Variants in IL1RAP observed in about 807,000 individuals in gnomAD.
The protein encoded by IL1RAP is interleukin-1 receptor accessory protein.
A neutral mutation model predicts 60.7 loss-of-function variants in IL1RAP; 35 were observed. The observed-to-expected ratio is 0.58, with a 90% CI of 0.44 to 0.76. IL1RAP has a LOEUF of 0.76. Among genes scored for constraint, IL1RAP ranks in the 30% least tolerant of loss-of-function variants. The pLI is 0.00. For synonymous variants in IL1RAP, 268 were observed against 250.9 expected, an observed-to-expected ratio of 1.07 and a Z score of -0.64; for missense variants, 572 against 693.9, an observed-to-expected ratio of 0.82 and a Z score of 1.97.
chr3:190,530,524 G>A (rs907839250), intron 1 of IL1RAP, among the ~76,000 whole-genome samples: 9 of 152,202 alleles, frequency 5.9e-5, no homozygotes, highest in Admixed American at 2.0e-4. Flanking sequence ...TACATTACAA[G>A]CCAAAGTGAT....
intron 2 of IL1RAP, among the ~76,000 whole-genome samples, chr3:190,559,622 T>C (rs1271568133): frequency 2.0e-5 from 3 of 152,238 alleles, no homozygotes; most frequent in Admixed American, 1.3e-4. Context: ...CTTACAACTT[T>C]CTTTTCAACC....
At chr3:190,607,137 A>G (rs146776136) in intron 4 of IL1RAP, among the ~76,000 whole-genome samples, 57 of 152,038 alleles carry the variant, frequency 3.7e-4, no homozygotes, top group Admixed American at 7.9e-4. Flanking sequence ...TTGAGAGTGC[A>G]TACCCCACCC....
intron 4 of IL1RAP, among the ~76,000 whole-genome samples, chr3:190,605,025 G>T (rs1730182034): frequency 6.6e-6 from 1 of 152,142 alleles, no homozygotes; most frequent in Non-Finnish European, 1.5e-5. Flanking sequence ...TCTCCCATTT[G>T]TCCAAGGTTT....
At chr3:190,620,805 AT>A (rs1560220302) in intron 6 of IL1RAP, among the ~76,000 whole-genome samples, 1 of 152,216 alleles carries the variant, frequency 6.6e-6, no homozygotes, top group Non-Finnish European at 1.5e-5. Flanking sequence ...ATTTAAAAAA[AT>A]ATTCATATTG....
chr3:190,621,230 CAGTG>C (rs1731752294), intron 6 of IL1RAP, among the ~76,000 whole-genome samples: 1 of 152,198 alleles, frequency 6.6e-6, no homozygotes. Context: ...TAGAGACACT[CAGTG>C]AGTTACTTGA....
chr3:190,569,561 C>T (rs1726732539), intron 3 of IL1RAP, among the ~76,000 whole-genome samples: 1 of 150,938 alleles, frequency 6.6e-6, no homozygotes, highest in African/African-American at 2.4e-5. Flanking sequence ...TTAAATGATG[C>T]CTCTCGGAAG....
chr3:190,630,326 C>A, intron 9 of IL1RAP: 2 of 359,488 alleles, frequency 5.6e-6, no homozygotes, highest in Non-Finnish European at 7.7e-6. Flanking sequence ...TCTCACCTAA[C>A]ACAGAATCCC....
chr3:190,644,277 G>A lies in IL1RAP; in HGVS notation c.1081G>A (p.Ala361Thr). The A allele has an allele frequency of 6.2e-7, 1 of 1,613,604 alleles. No homozygotes were observed. Among genetic ancestry groups the A allele is most frequent in the African/African-American group, 1.3e-5 (1 of 74,996 alleles). The change falls in exon 10 of 12, where the codon GCT (alanine) becomes ACT (threonine). Residue 361 changes from alanine (A) to threonine (T), a missense_variant. Physicochemically the swap from Ala to Thr is moderately conservative, Grantham distance 58. Coordinates refer to ENST00000447382, the MANE Select transcript of IL1RAP (RefSeq NM_002182.4). ...VPAPRYTVELACGFGATVLLV... is the reference protein window; with the variant it reads ...VPAPRYTVELTCGFGATVLLV... ...AGCTCCAAGATACACAGTGGAACTG[G>A]CTTGTGGTTTTGGAGCCACAGTCCT...
intron 3 of IL1RAP, among the ~76,000 whole-genome samples, chr3:190,570,659 A>T (rs1258362218): frequency 1.3e-5 from 2 of 152,096 alleles, no homozygotes; most frequent in Admixed American, 1.3e-4. Flanking sequence ...TCCACCTCCC[A>T]AGTTCAAGTG....
chr3:190,625,815 G>T (rs962737369), intron 7 of IL1RAP, among the ~76,000 whole-genome samples: 3 of 152,132 alleles, frequency 2.0e-5, no homozygotes, highest in African/African-American at 7.2e-5. Flanking sequence ...TACTCTTCCT[G>T]CTGTCAGGGT....
chr3:190,630,542 G>A (rs1732697984), intron 9 of IL1RAP, among the ~76,000 whole-genome samples: 4 of 152,136 alleles, frequency 2.6e-5, no homozygotes, highest in Admixed American at 2.6e-4. Context: ...ATGAAAAACA[G>A]GATTCACCTC....
At chr3:190,551,845 T>C (rs1724893435) in intron 1 of IL1RAP, among the ~76,000 whole-genome samples, 1 of 152,228 alleles carries the variant, frequency 6.6e-6, no homozygotes. Flanking sequence ...TTTGGTTATC[T>C]CTGTGGTTTA....
intron 3 of IL1RAP, among the ~76,000 whole-genome samples, chr3:190,577,901 T>C (rs941864898): frequency 2.6e-5 from 4 of 152,346 alleles, no homozygotes; most frequent in Admixed American, 6.5e-5. Context: ...TTTGGGTTTA[T>C]TTCTGCCCCT....
chr3:190,594,743 C>A (rs868663379), intron 3 of IL1RAP, among the ~76,000 whole-genome samples: 7 of 152,144 alleles, frequency 4.6e-5, no homozygotes, highest in Admixed American at 1.3e-4. Context: ...GCCACAGATG[C>A]GGATGTCTGA....
chr3:190,616,086 C>T (rs1180605368), intron 5 of IL1RAP, among the ~76,000 whole-genome samples: 2 of 152,020 alleles, frequency 1.3e-5, no homozygotes, highest in Non-Finnish European at 2.9e-5. Context: ...TAACATTTGA[C>T]GTAAGGTTTA....
chr3:190,579,608 T>A (rs941535082), intron 3 of IL1RAP, among the ~76,000 whole-genome samples: 1 of 152,148 alleles, frequency 6.6e-6, no homozygotes, highest in Admixed American at 6.5e-5. Flanking sequence ...ATATTTTTTC[T>A]AAAGATTCCT....
rs1278219482 is a variant in IL1RAP, at chr3:190,648,907, TGTCACCA to T, written c.*206_*212del. The T allele has an allele frequency of 3.7e-6, 5 of 1,359,748 alleles. No individual in the cohort carries two copies. Among genetic ancestry groups the T allele is most frequent in the Non-Finnish European group, 4.7e-6 (5 of 1,058,458 alleles). 84.2% of individuals were successfully genotyped at this position (1,359,748 alleles called of 1,614,324 possible). ...GTTTAGAAAGATATCATCAACGTTC[TGTCACCA>T]GTCTCTGATGCCACTATGTTCTTTG... On this transcript the variant is annotated 3_prime_UTR_variant, in exon 12 of 12. Coordinates refer to ENST00000447382, the MANE Select transcript of IL1RAP (RefSeq NM_002182.4).
chr3:190,652,762 G>A (rs190682444), downstream of IL1RAP, among the ~76,000 whole-genome samples: 1 of 152,300 alleles, frequency 6.6e-6, no homozygotes, highest in Non-Finnish European at 1.5e-5. Context: ...TTGTATATGA[G>A]TTTTTTGCAC....
intron 1 of IL1RAP, among the ~76,000 whole-genome samples, chr3:190,514,864 GC>G (rs561282217): frequency 8.4e-4 from 128 of 152,030 alleles, no homozygotes; most frequent in African/African-American, 3.0e-3. Flanking sequence ...GCCCTGTGGG[GC>G]ACAGGGTGCC....
Sources: gnomAD v4.1 joint callset for allele counts (sites outside exome capture counted in the v4.1 genomes callset) on GRCh38, gnomAD v4.1.1 for gene constraint, MANE v1.5 for transcripts, NCBI Gene and HGNC (gene_info 2026-07-23, HGNC 2026-07-21) for gene names.